The following TENT2 variants were observed in gnomAD, a reference collection of about 807,000 sequenced individuals.
The protein encoded by TENT2 is poly(A) RNA polymerase GLD2.
In TENT2, 44 loss-of-function variants were observed where a neutral mutation model predicts 72.2. The ratio of observed to expected loss-of-function variants is 0.61; its 90% CI spans 0.48 to 0.78. TENT2 has a LOEUF of 0.78. TENT2 is among the 30% of genes least tolerant of loss of function. TENT2 has a pLI of 0.00. For synonymous variants in TENT2, 212 were observed against 192.5 expected (o/e 1.10, Z -0.84); for missense variants, 541 against 569.6 (o/e 0.95, Z 0.51).
intron 4 of TENT2, among the ~76,000 whole-genome samples, chr5:79,628,733 T>A (rs1772546428): frequency 6.6e-6 from 1 of 152,190 alleles, no homozygotes; most frequent in South Asian, 2.1e-4. Flanking sequence ...TATAAAACAT[T>A]TGTGCTCCTC....
At chr5:79,654,528 A>T (rs543493536) in intron 10 of TENT2, among the ~76,000 whole-genome samples, 1 of 152,204 alleles carries the variant, frequency 6.6e-6, no homozygotes, top group African/African-American at 2.4e-5. Context: ...TCCTAGGCAT[A>T]CAGAGCTTTC....
intron 8 of TENT2, among the ~76,000 whole-genome samples, chr5:79,648,200 T>G (rs938634803): frequency 6.6e-6 from 1 of 152,072 alleles, no homozygotes; most frequent in Non-Finnish European, 1.5e-5. Flanking sequence ...ACTGGTGATT[T>G]GGGAGGCTGA....
intron 3 of TENT2, 96 bp from the exon 4 acceptor site, chr5:79,623,156 C>T: frequency 1.2e-6 from 1 of 817,856 alleles, no homozygotes. Context: ...ATCATATTGT[C>T]ATTATCTCTT....
chr5:79,628,783 G>C (rs1772600819), intron 4 of TENT2, among the ~76,000 whole-genome samples: 1 of 152,088 alleles, frequency 6.6e-6, no homozygotes, highest in African/African-American at 2.4e-5. Flanking sequence ...TAATCATATA[G>C]GGCTTATGAG....
chr5:79,618,594 G>GTT lies in TENT2; in HGVS notation c.-37-1009_-37-1008dup, dbSNP rs565501903. On this transcript the variant is annotated intron_variant, in intron 1 of 14. Coordinates refer to ENST00000453514, the MANE Select transcript of TENT2 (RefSeq NM_001114394.3). ...ATGCAATGTCTTTTCATTAATCTGA[G>GTT]TTTTTTTTTTGAGTGTTCATTTGTT... 5.9e-3 allele frequency among the ~76,000 whole-genome samples: 878 copies of GTT among 149,114 alleles called. 6 individuals are homozygous for GTT. The highest frequency in any genetic ancestry group is 0.018 in the South Asian group (87 of 4,712).
chr5:79,633,544 G>A (rs941900547), intron 4 of TENT2, among the ~76,000 whole-genome samples: 3 of 145,292 alleles, frequency 2.1e-5, no homozygotes, highest in South Asian at 2.2e-4. Context: ...GGGTTCAAAC[G>A]GTTCTGGGAT....
At chr5:79,657,815 C>T (rs1368481380) in intron 11 of TENT2, among the ~76,000 whole-genome samples, 1 of 152,148 alleles carries the variant, frequency 6.6e-6, no homozygotes, top group Admixed American at 6.5e-5. Context: ...GTAATTTTTA[C>T]ATATTGGTTT....
At chr5:79,654,501 T>C (rs376812126) in intron 10 of TENT2, among the ~76,000 whole-genome samples, 14 of 152,178 alleles carry the variant, frequency 9.2e-5, no homozygotes, top group African/African-American at 3.1e-4. Flanking sequence ...TGAATATTCA[T>C]GGAATGTTTA....
intron 6 of TENT2, among the ~76,000 whole-genome samples, chr5:79,642,473 T>C (rs1785235842): frequency 6.6e-6 from 1 of 152,116 alleles, no homozygotes; most frequent in Admixed American, 6.5e-5. Flanking sequence ...GAAACTATCC[T>C]TGAGCAGCTT....
At chr5:79,641,037 A>G (rs192695597) in intron 5 of TENT2, 68 bp from the exon 6 acceptor site, 2 of 1,418,578 alleles carry the variant, frequency 1.4e-6, no homozygotes, top group African/African-American at 2.9e-5. Context: ...TTTTTTTTTT[A>G]ATAGGCACAG....
At chr5:79,622,930 G>C (rs1042562458) in intron 3 of TENT2, among the ~76,000 whole-genome samples, 4 of 151,984 alleles carry the variant, frequency 2.6e-5, no homozygotes, top group African/African-American at 4.8e-5. Flanking sequence ...GATCTTCTTA[G>C]TAATTCTATA....
intron 4 of TENT2, among the ~76,000 whole-genome samples, chr5:79,632,968 C>A (rs1335310267): frequency 6.6e-6 from 1 of 152,168 alleles, no homozygotes; most frequent in African/African-American, 2.4e-5. Context: ...AATCAGTAAT[C>A]CAAACTGCCT....
intron 10 of TENT2, among the ~76,000 whole-genome samples, chr5:79,655,250 TA>T (rs886800688): frequency 6.6e-6 from 1 of 152,074 alleles, no homozygotes; most frequent in Non-Finnish European, 1.5e-5. Flanking sequence ...ATAAATCTTT[TA>T]AAGTTGTAAC....
chr5:79,644,875 G>A (rs943448609), intron 7 of TENT2: 1 of 329,352 alleles, frequency 3.0e-6, no homozygotes, highest in Non-Finnish European at 5.5e-6. Context: ...GTGGTCTAAT[G>A]AACTTCTCTA....
At chr5:79,674,105 C>T (rs541303166) in intron 12 of TENT2, among the ~76,000 whole-genome samples, 25 of 152,208 alleles carry the variant, frequency 1.6e-4, no homozygotes, top group African/African-American at 4.1e-4. Context: ...CAAACAAGGC[C>T]GGGCGTGGTG....
intron 4 of TENT2, among the ~76,000 whole-genome samples, chr5:79,637,485 G>A (rs1027244963): frequency 6.6e-6 from 1 of 152,068 alleles, no homozygotes; most frequent in African/African-American, 2.4e-5. Flanking sequence ...GGAGTACAGT[G>A]GTGTGATCAT....
intron 11 of TENT2, among the ~76,000 whole-genome samples, chr5:79,665,453 A>T (rs1246455909): frequency 6.6e-6 from 1 of 152,218 alleles, no homozygotes; most frequent in African/African-American, 2.4e-5. Flanking sequence ...GAAAAAAATG[A>T]TGGAATCTGG....
Position 79,623,413 on chromosome 5 carries a change from T to C in TENT2, c.389T>C (p.Val130Ala). The stretch of plus-strand genomic sequence containing the variant: ...CATACACATTATGTACCAGATATAG[T>C]CAGATGTGTTCCACCTTTTCGAGAA... ...LFHTHYVPDI[V>A]RCVPPFREIA... The change falls in exon 4 of 15, where the codon GTC becomes GCC. Residue 130 changes from valine to alanine, a missense_variant. Val to Ala is a moderately conservative substitution (Grantham distance 64). Transcript: ENST00000453514. 1 of 1,612,770 alleles carries C rather than the reference T, an allele frequency of 6.2e-7. No homozygotes were observed. The highest frequency in any genetic ancestry group is 8.5e-7 in the Non-Finnish European group (1 of 1,179,354).
intron 4 of TENT2, among the ~76,000 whole-genome samples, chr5:79,631,988 A>G (rs557237098): frequency 1.3e-5 from 2 of 152,302 alleles, no homozygotes; most frequent in South Asian, 2.1e-4. Context: ...TTCTCTCTCA[A>G]TTACTATGCA....
Sources: allele counts gnomAD v4.1 joint callset (sites outside exome capture counted in the v4.1 genomes callset), GRCh38; gene constraint gnomAD v4.1.1; transcripts MANE v1.5; gene names NCBI Gene and HGNC (gene_info 2026-07-23, HGNC 2026-07-21).